FRK: variants seen among roughly 807,000 people sequenced by gnomAD.
The protein encoded by FRK is fyn related Src family tyrosine kinase.
Under a neutral mutation model 56.4 loss-of-function variants are expected in FRK, and 51 were observed. That is an observed-to-expected ratio of 0.90 (90% CI 0.72 to 1.14). FRK has a LOEUF of 1.14. Ranked by LOEUF, FRK falls within the 50% of genes most tolerant of loss-of-function variation. The pLI, the probability that FRK is intolerant of heterozygous loss-of-function variation, is 0.00. For synonymous variants in FRK, 245 were observed against 217.9 expected, an observed-to-expected ratio of 1.12 and a Z score of -1.10; for missense variants, 570 against 601.4, an observed-to-expected ratio of 0.95 and a Z score of 0.55.
At chr6:116,045,174 T>C (rs960974263) in intron 1 of FRK, among the ~76,000 whole-genome samples, 1 of 152,188 alleles carries the variant, frequency 6.6e-6, no homozygotes, top group Non-Finnish European at 1.5e-5. Flanking sequence ...AATTTATAGA[T>C]TCAATGCTAT....
chr6:115,933,456 A>G lies in FRK; in HGVS notation c.*8958T>C, dbSNP rs1005175746. On this transcript the variant is annotated 3_prime_UTR_variant, in exon 8 of 8. Coordinates refer to ENST00000606080, the MANE Select transcript of FRK (RefSeq NM_002031.3). ...ACTGAATCCATTATTTTTCTCCATG[A>G]TCCATCAGGTAAAAACAAGAATAAT... is the stretch of plus-strand genomic sequence containing the variant. 1.3e-5 allele frequency: 2 copies of G among 152,208 alleles called. No individual in the cohort carries two copies. Among genetic ancestry groups the G allele is most frequent in the African/African-American group, 4.8e-5 (2 of 41,458 alleles). The allele number at this position is 152,208 out of a possible 1,614,324, so 9.4% of individuals were successfully genotyped here.
chr6:116,043,816 AT>A (rs1776826802), intron 1 of FRK, among the ~76,000 whole-genome samples: 1 of 152,194 alleles, frequency 6.6e-6, no homozygotes, highest in Non-Finnish European at 1.5e-5. Flanking sequence ...TATTGAAAAG[AT>A]TAACAAAATA....
intron 5 of FRK, among the ~76,000 whole-genome samples, chr6:115,955,181 G>A (rs1436822907): frequency 1.3e-5 from 2 of 151,926 alleles, no homozygotes; most frequent in African/African-American, 2.4e-5. Flanking sequence ...GAAGGGTCTG[G>A]GAATGAAGGA....
At chr6:116,086,131 G>C in the FRK span, among the ~76,000 whole-genome samples, 44 of 151,680 alleles carry the variant, frequency 2.9e-4, no homozygotes, top group Middle Eastern at 3.4e-3. Flanking sequence ...TCAGCCTCCC[G>C]AGTAGCTTGG....
At position 115,936,506 on chromosome 6, in the gene FRK, G is replaced by A. The variant is rs1363785392; in HGVS notation, c.*5908C>T. 2 of 152,182 alleles carry A rather than the reference G, an allele frequency of 1.3e-5. No individual in the cohort carries two copies. Among genetic ancestry groups the A allele is most frequent in the African/African-American group, 4.8e-5 (2 of 41,452 alleles). 9.4% of individuals were successfully genotyped at this position (152,182 alleles called of 1,614,324 possible). ...GGATGGATAGAAGTAGGCCTCAGAA[G>A]GTGGGTAATAACAAACTCCTCCAAG... On this transcript the variant is annotated 3_prime_UTR_variant, in exon 8 of 8. Coordinates refer to ENST00000606080, the MANE Select transcript of FRK (RefSeq NM_002031.3).
intron 1 of FRK, among the ~76,000 whole-genome samples, chr6:116,026,665 G>A (rs760277088): frequency 3.3e-5 from 5 of 152,026 alleles, no homozygotes; most frequent in Non-Finnish European, 5.9e-5. Context: ...ATGTGGATAA[G>A]ATGTCTTTCA....
At chr6:116,058,401 C>T (rs1225620494) in intron 1 of FRK, among the ~76,000 whole-genome samples, 1 of 152,168 alleles carries the variant, frequency 6.6e-6, no homozygotes, top group Non-Finnish European at 1.5e-5. Flanking sequence ...TTTATAGGTT[C>T]TTGGTGTTGA....
intron 1 of FRK, among the ~76,000 whole-genome samples, chr6:116,006,112 A>G (rs1324016869): frequency 6.6e-6 from 1 of 152,352 alleles, no homozygotes; most frequent in East Asian, 1.9e-4. Flanking sequence ...AAATATTTGC[A>G]AAGTATATAA....
intron 2 of FRK, among the ~76,000 whole-genome samples, chr6:115,969,844 T>C (rs1170881203): frequency 1.3e-5 from 2 of 152,204 alleles, no homozygotes; most frequent in Non-Finnish European, 2.9e-5. Context: ...GCTTTTCAGC[T>C]ACAAGAGTCA....
chr6:115,995,553 G>T (rs2114673520), intron 2 of FRK, among the ~76,000 whole-genome samples: 1 of 151,448 alleles, frequency 6.6e-6, no homozygotes, highest in East Asian at 1.9e-4. Context: ...AGCAAAAGAA[G>T]AAAAGAAAAT....
intron 1 of FRK, among the ~76,000 whole-genome samples, chr6:116,045,718 G>A (rs1776925025): frequency 6.6e-6 from 1 of 152,174 alleles, no homozygotes. Flanking sequence ...ATATCATTCA[G>A]GACATAGGCA....
chr6:115,952,097 G>A (rs936418353), intron 5 of FRK, among the ~76,000 whole-genome samples: 4 of 151,996 alleles, frequency 2.6e-5, no homozygotes, highest in Non-Finnish European at 4.4e-5. Context: ...TTTGTCAGAT[G>A]AGTAGGTTGC....
chr6:116,058,033 C>A (rs183103864), intron 1 of FRK, among the ~76,000 whole-genome samples: 46 of 151,992 alleles, frequency 3.0e-4, no homozygotes, highest in African/African-American at 1.0e-3. Context: ...CATGGCAACC[C>A]CAGAGAGTTG....
intron 2 of FRK, among the ~76,000 whole-genome samples, chr6:115,984,007 C>T (rs2114644223): frequency 6.6e-6 from 1 of 152,230 alleles, no homozygotes. Context: ...TGTGCATTTT[C>T]ACAAACTGTT....
intron 2 of FRK, among the ~76,000 whole-genome samples, chr6:115,990,238 C>A (rs778288341): frequency 6.6e-6 from 1 of 152,018 alleles, no homozygotes; most frequent in Non-Finnish European, 1.5e-5. Flanking sequence ...CCTGTTTACT[C>A]TGTTGATTGT....
chr6:116,006,852 T>C (rs1205774253), intron 1 of FRK, among the ~76,000 whole-genome samples: 1 of 152,086 alleles, frequency 6.6e-6, no homozygotes, highest in South Asian at 2.1e-4. Context: ...TAAATTAAAT[T>C]TTTAAAAATA....
chr6:116,098,245 A>G, the FRK span, among the ~76,000 whole-genome samples: 797 of 151,668 alleles, frequency 5.3e-3, 1 homozygote, highest in Non-Finnish European at 9.1e-3. Flanking sequence ...TACAACAGCT[A>G]GGACTATAGG....
At chr6:116,029,443 A>G (rs1339661137) in intron 1 of FRK, among the ~76,000 whole-genome samples, 4 of 152,100 alleles carry the variant, frequency 2.6e-5, no homozygotes, top group Non-Finnish European at 4.4e-5. Context: ...TTTAAGTTCA[A>G]TAATCTCTTA....
intron 1 of FRK, among the ~76,000 whole-genome samples, chr6:116,011,785 ATTATGGTTCGGTATGACTCACC>A (rs986268053): frequency 6.6e-6 from 1 of 152,168 alleles, no homozygotes; most frequent in African/African-American, 2.4e-5. Context: ...CCCTTGAACT[ATTATGGTTCGGTATGACTCACC>A]TGCATCTACC....
Sources: allele counts gnomAD v4.1 joint callset (sites outside exome capture counted in the v4.1 genomes callset), GRCh38; gene constraint gnomAD v4.1.1; transcripts MANE v1.5; gene names NCBI Gene and HGNC (gene_info 2026-07-23, HGNC 2026-07-21).